Variants in RORA observed in about 807,000 individuals in gnomAD.
RORA encodes the protein nuclear receptor ROR-alpha.
RORA carries 7 observed loss-of-function variants against 69.5 expected under a neutral mutation model. The ratio of observed to expected loss-of-function variants is 0.10; its 90% CI spans 0.06 to 0.19. The LOEUF is 0.19. Among genes scored for constraint, RORA ranks in the 10% least tolerant of loss-of-function variants. The pLI is 1.00. For missense variants in RORA, 457 were observed against 663.0 expected (o/e 0.69, Z 3.41); for synonymous variants, 261 against 240.8 (o/e 1.08, Z -0.78).
At chr15:60,676,435 T>C (rs1337070406) in intron 2 of RORA, among the ~76,000 whole-genome samples, 2 of 152,238 alleles carry the variant, frequency 1.3e-5, no homozygotes, top group Non-Finnish European at 2.9e-5. Context: ...TCCAATTTTG[T>C]CATTCGGCCA....
intron 1 of RORA, among the ~76,000 whole-genome samples, chr15:60,979,032 G>A (rs191560147): frequency 1.4e-5 from 2 of 141,026 alleles, no homozygotes; most frequent in Admixed American, 1.6e-4. Context: ...TGCGATCTCA[G>A]CTTACTGCAA....
intron 1 of RORA, among the ~76,000 whole-genome samples, chr15:61,096,506 C>T (rs544313606): frequency 6.6e-6 from 1 of 152,102 alleles, no homozygotes; most frequent in African/African-American, 2.4e-5. Flanking sequence ...ATTTTAATAC[C>T]ATAAATCTTT....
rs1293924257 is a variant in RORA at position 60,962,873 on chromosome 15, C to A, written c.166+266180G>T. Among the ~76,000 whole-genome samples the A allele has an allele frequency of 9.2e-5, 14 of 152,242 alleles. No homozygotes were observed. In the East Asian group the frequency reaches 2.7e-3, roughly 29 times the overall value. On this transcript the variant is annotated intron_variant, in intron 1 of 10. Coordinates refer to ENST00000335670, the MANE Select transcript of RORA (RefSeq NM_134261.3). ...AAGGAAGTCATAGAAAATAGGTGCA[C>A]CTTATGTTCAAAGTAAGTGGTTGCA... is the stretch of plus-strand genomic sequence containing the variant.
At chr15:61,117,764 T>C (rs895612581) in intron 1 of RORA, among the ~76,000 whole-genome samples, 86 of 152,364 alleles carry the variant, frequency 5.6e-4, no homozygotes, top group African/African-American at 1.9e-3. Context: ...AAATTTTCTA[T>C]TTTGAAGCAT....
intron 1 of RORA, among the ~76,000 whole-genome samples, chr15:61,056,046 C>T (rs780411835): frequency 4.6e-5 from 7 of 152,078 alleles, no homozygotes; most frequent in Non-Finnish European, 8.8e-5. Context: ...AGCTATCAAC[C>T]CAAATTCATA....
intron 1 of RORA, among the ~76,000 whole-genome samples, chr15:60,725,346 A>C (rs2071343374): frequency 1.3e-5 from 2 of 152,202 alleles, no homozygotes; most frequent in African/African-American, 4.8e-5. Context: ...GATATGCATC[A>C]TGGTGCTCAA....
chr15:60,591,781 G>T (rs997196045), intron 2 of RORA, among the ~76,000 whole-genome samples: 1 of 152,104 alleles, frequency 6.6e-6, no homozygotes, highest in Non-Finnish European at 1.5e-5. Context: ...GCGCGCTTTC[G>T]GAAGTGGCCG....
At chr15:61,217,026 A>T (rs2080046571) in intron 1 of RORA, among the ~76,000 whole-genome samples, 1 of 152,190 alleles carries the variant, frequency 6.6e-6, no homozygotes, top group Non-Finnish European at 1.5e-5. Context: ...GAAGTCACAC[A>T]AACAAGTGCA....
At chr15:60,601,920 A>G (rs1290545853) in intron 2 of RORA, among the ~76,000 whole-genome samples, 1 of 152,196 alleles carries the variant, frequency 6.6e-6, no homozygotes, top group African/African-American at 2.4e-5. Flanking sequence ...ATAATTTTCA[A>G]AATATAATAA....
intron 1 of RORA, among the ~76,000 whole-genome samples, chr15:60,719,304 A>G (rs967698875): frequency 6.0e-5 from 9 of 150,802 alleles, no homozygotes; most frequent in Non-Finnish European, 8.9e-5. Context: ...AAAATAAAAA[A>G]ATGTGTGTGT....
At chr15:60,904,668 T>G (rs979155578) in intron 1 of RORA, among the ~76,000 whole-genome samples, 1 of 152,212 alleles carries the variant, frequency 6.6e-6, no homozygotes, top group Admixed American at 6.5e-5. Context: ...CACCAAATTC[T>G]AAGACACTTT....
At chr15:60,964,007 C>T (rs905789566) in intron 1 of RORA, among the ~76,000 whole-genome samples, 2 of 152,158 alleles carry the variant, frequency 1.3e-5, no homozygotes, top group Non-Finnish European at 2.9e-5. Flanking sequence ...CAGCAGTGTA[C>T]CTTCATTTCA....
chr15:61,078,246 C>T (rs1348506532), intron 1 of RORA, among the ~76,000 whole-genome samples: 1 of 152,170 alleles, frequency 6.6e-6, no homozygotes, highest in East Asian at 1.9e-4. Context: ...TCACTGCAAC[C>T]TCTGCCTCTC....
intron 2 of RORA, chr15:60,545,187 A>G (rs2067030880): frequency 6.6e-6 from 1 of 152,240 alleles, no homozygotes; most frequent in Non-Finnish European, 1.5e-5. Flanking sequence ...TTAGAAAAAA[A>G]TCATTTGAAT....
At chr15:60,673,853 A>G (rs1467639985) in intron 2 of RORA, among the ~76,000 whole-genome samples, 1 of 152,208 alleles carries the variant, frequency 6.6e-6, no homozygotes, top group Non-Finnish European at 1.5e-5. Context: ...TTGTCCCTTA[A>G]TTAGCCCTTA....
At chr15:61,106,541 G>A (rs1458477334) in intron 1 of RORA, among the ~76,000 whole-genome samples, 1 of 152,102 alleles carries the variant, frequency 6.6e-6, no homozygotes, top group Non-Finnish European at 1.5e-5. Context: ...ACTCACCCAT[G>A]AAGGCCTTGG....
intron 1 of RORA, among the ~76,000 whole-genome samples, chr15:60,684,797 C>T (rs1308283347): frequency 2.6e-5 from 4 of 152,144 alleles, no homozygotes; most frequent in African/African-American, 9.7e-5. Flanking sequence ...ACATTGACTC[C>T]TCCTTTAATT....
At chr15:60,930,203 C>T (rs551867864) in intron 1 of RORA, among the ~76,000 whole-genome samples, 53 of 152,166 alleles carry the variant, frequency 3.5e-4, no homozygotes, top group East Asian at 1.7e-3. Context: ...TAGATACAGA[C>T]GAAAAAGCTC....
intron 1 of RORA, among the ~76,000 whole-genome samples, chr15:61,079,307 A>G (rs879708856): frequency 1.3e-5 from 2 of 152,246 alleles, no homozygotes; most frequent in Non-Finnish European, 2.9e-5. Context: ...CAGTGATACT[A>G]TTAATAGATC....
Sources: gnomAD v4.1 joint callset for allele counts (sites outside exome capture counted in the v4.1 genomes callset) on GRCh38, gnomAD v4.1.1 for gene constraint, MANE v1.5 for transcripts, NCBI Gene and HGNC (gene_info 2026-07-23, HGNC 2026-07-21) for gene names.